The following GPCPD1 variants were observed in gnomAD, a reference collection of about 807,000 sequenced individuals.
The protein encoded by GPCPD1 is glycerophosphocholine phosphodiesterase GPCPD1.
A neutral mutation model predicts 89.2 loss-of-function variants in GPCPD1; 29 were observed. The observed-to-expected ratio is 0.33, with a 90% CI of 0.24 to 0.44. GPCPD1 has a LOEUF of 0.44. GPCPD1 is among the 20% of genes least tolerant of loss of function. GPCPD1 has a pLI of 1.00. For synonymous variants in GPCPD1, 258 were observed against 266.3 expected (o/e 0.97, Z 0.30); for missense variants, 594 against 808.9 (o/e 0.73, Z 3.22).
intron 4 of GPCPD1, among the ~76,000 whole-genome samples, chr20:5,587,608 C>T (rs1163488245): frequency 6.6e-6 from 1 of 152,160 alleles, no homozygotes; most frequent in African/African-American, 2.4e-5. Context: ...CCTCGTGATC[C>T]ACCCACCTCA....
chr20:5,585,434 G>A (rs1978843741), intron 5 of GPCPD1: 1 of 151,982 alleles, frequency 6.6e-6, no homozygotes, highest in South Asian at 2.1e-4. Flanking sequence ...GAAACTAAAA[G>A]ATACATTTCT....
chr20:5,575,943 G>T lies in GPCPD1; in HGVS notation c.741C>A (p.Ala247=), dbSNP rs374830777. 1 of 1,604,452 alleles carries T rather than the reference G, an allele frequency of 6.2e-7. No homozygotes were observed. Among genetic ancestry groups the T allele is most frequent in the African/African-American group, 1.3e-5 (1 of 74,644 alleles). ...AAGCTGTACCCACATGTCCAGGAAG[G>T]GCATCACCCTGAACTACGTGCTCAC... ...DLSEHVVQGD[A]LPGHVGTACL... is the part of the protein sequence containing the mutation. Residue 247 remains alanine (A), a synonymous_variant, in exon 9 of 20, where the codon GCC becomes GCA. Coordinates refer to ENST00000379019, the MANE Select transcript of GPCPD1 (RefSeq NM_019593.5).
rs918706043 is a variant in GPCPD1, at chr20:5,576,074, CAT to C, written c.706-98_706-97del. On this transcript the variant is annotated intron_variant, in intron 8 of 19. Transcript: ENST00000379019. ...ACACACACACACAGACACACACACACATATCTCCTATATATGAAATGTGTATA... is the reference window on the plus strand; with the variant it reads ...ACACACACACACAGACACACACACACATCTCCTATATATGAAATGTGTATA... The C allele has an allele frequency of 6.4e-5, 34 of 528,434 alleles. No homozygotes were observed. In the Admixed American group the frequency reaches 9.7e-4, roughly 15 times the overall value. 32.7% of individuals were successfully genotyped at this position (528,434 alleles called of 1,614,324 possible).
chr20:5,549,447 AC>A, intron 19 of GPCPD1: 1 of 1,202,514 alleles, frequency 8.3e-7, no homozygotes, highest in Non-Finnish European at 1.2e-6. Flanking sequence ...GCTACTAAAA[AC>A]AGCTCCACCA....
Position 5,598,725 on chromosome 20 carries a change from C to T in GPCPD1, c.146G>A (p.Ser49Asn), listed in dbSNP as rs1979911995. 8 of 1,574,744 alleles carry T rather than the reference C, an allele frequency of 5.1e-6. No homozygotes were observed. The highest frequency in any genetic ancestry group is 7.0e-6 in the Non-Finnish European group (8 of 1,144,062). ...TGTAACCTCACATTTCCATACTCAC[C>T]TTTCACCTGTGTCATTCTCTGGAAG... is the stretch of plus-strand genomic sequence containing the variant. ...ALLPENDTGE[S>N]MLWKATIVLS... Residue 49 changes from serine to asparagine, a missense_variant and splice_region_variant, in exon 3 of 20, where the codon AGC becomes AAC. Ser to Asn is a conservative substitution (Grantham distance 46). Coordinates refer to ENST00000379019, the MANE Select transcript of GPCPD1 (RefSeq NM_019593.5).
In GPCPD1 at chr20:5,567,502, T is replaced by C. The variant is rs373983160; in HGVS notation, c.1208A>G (p.Asp403Gly). The C allele has an allele frequency of 1.9e-6, 3 of 1,566,676 alleles. No homozygotes were observed. Among genetic ancestry groups the C allele is most frequent in the Non-Finnish European group, 2.6e-6 (3 of 1,164,684 alleles). The change falls in exon 13 of 20, where the codon GAC (aspartate) becomes GGC (glycine). Residue 403 changes from aspartate (D) to glycine (G), a missense_variant. By Grantham distance (94) the Asp-to-Gly change is moderately conservative. Coordinates refer to ENST00000379019, the MANE Select transcript of GPCPD1 (RefSeq NM_019593.5). ...TACTACCTTTAACAACTGGAGTTGG[T>C]CAAATGTTAATTCTTTTACTGGAAT... ...FEIPVKELTF[D>G]QLQLLKLTHV...
intron 14 of GPCPD1, among the ~76,000 whole-genome samples, chr20:5,566,020 A>C (rs901783864): frequency 2.6e-5 from 4 of 152,224 alleles, no homozygotes; most frequent in Non-Finnish European, 2.9e-5. Flanking sequence ...ACTAAGACTC[A>C]TAAAATATCT....
intron 13 of GPCPD1, 42 bp from the exon 14 acceptor site, chr20:5,566,814 T>C: frequency 7.5e-7 from 1 of 1,338,022 alleles, no homozygotes; most frequent in Non-Finnish European, 1.1e-6. Context: ...AAGGAAGCCT[T>C]AGCTTATGAA....
At chr20:5,570,028 A>G (rs1986615950) in intron 12 of GPCPD1, 119 bp downstream of exon 12, 1 of 528,342 alleles carries the variant, frequency 1.9e-6, no homozygotes, top group Admixed American at 3.6e-5. Context: ...GCAGTAATTC[A>G]CCAAGAAAAT....
chr20:5,563,826 ATACC>A (rs1214773387), intron 15 of GPCPD1, among the ~76,000 whole-genome samples: 1 of 152,198 alleles, frequency 6.6e-6, no homozygotes, highest in East Asian at 1.9e-4. Flanking sequence ...CAAGAAATAC[ATACC>A]TAAATATTTT....
intron 8 of GPCPD1, among the ~76,000 whole-genome samples, chr20:5,577,256 C>G (rs1022776825): frequency 1.3e-5 from 2 of 151,560 alleles, no homozygotes; most frequent in Non-Finnish European, 2.9e-5. Context: ...CTCTTGACCT[C>G]GTGATCCGCC....
chr20:5,549,873 A>G (rs1985276150), intron 19 of GPCPD1, among the ~76,000 whole-genome samples: 1 of 152,142 alleles, frequency 6.6e-6, no homozygotes, highest in Admixed American at 6.6e-5. Flanking sequence ...GTTCTTGGAA[A>G]TTAAAGACAC....
chr20:5,608,973 C>T (rs1384175513), intron 1 of GPCPD1, among the ~76,000 whole-genome samples: 1 of 152,140 alleles, frequency 6.6e-6, no homozygotes, highest in Non-Finnish European at 1.5e-5. Flanking sequence ...ACACTACCTG[C>T]CAAAATAAAT....
At chr20:5,581,814 CTTTTTTTTTTTTTTTTTTTT>C (rs11479995) in intron 6 of GPCPD1, among the ~76,000 whole-genome samples, 12 of 75,018 alleles carry the variant, frequency 1.6e-4, no homozygotes, top group African/African-American at 8.4e-4. Context: ...GGGACTTTAA[CTTTTTTTTTTTTTTTTTTTT>C]TTTTTTTTTT....
intron 2 of GPCPD1, among the ~76,000 whole-genome samples, chr20:5,602,968 G>C (rs1980271478): frequency 6.9e-6 from 1 of 144,188 alleles, no homozygotes; most frequent in South Asian, 2.2e-4. Context: ...AGGCAACAGA[G>C]TGAGACTCCA....
chr20:5,564,009 C>G (rs1329130936), intron 15 of GPCPD1, among the ~76,000 whole-genome samples: 2 of 151,952 alleles, frequency 1.3e-5, no homozygotes, highest in Admixed American at 6.6e-5. Flanking sequence ...CTATTTTTGC[C>G]TAAGAAATCT....
chr20:5,557,193 G>T (rs565526674), intron 19 of GPCPD1, among the ~76,000 whole-genome samples: 7 of 152,318 alleles, frequency 4.6e-5, no homozygotes, highest in African/African-American at 1.7e-4. Flanking sequence ...AGGTGACACA[G>T]AAAACTGTGG....
At chr20:5,556,174 C>CTT (rs1985756472) in intron 19 of GPCPD1, among the ~76,000 whole-genome samples, 1 of 152,110 alleles carries the variant, frequency 6.6e-6, no homozygotes, top group Non-Finnish European at 1.5e-5. Flanking sequence ...TCAGACACAA[C>CTT]GCTACTGTAC....
At chr20:5,570,401 C>CAA (rs1986643697) in intron 11 of GPCPD1, among the ~76,000 whole-genome samples, 162 bp from the exon 12 acceptor site, 1 of 74,516 alleles carries the variant, frequency 1.3e-5, no homozygotes, top group Non-Finnish European at 2.5e-5. Context: ...TTCTCTTTTG[C>CAA]AAAAGCACAG....
Sources: gnomAD v4.1 joint callset for allele counts (sites outside exome capture counted in the v4.1 genomes callset) on GRCh38, gnomAD v4.1.1 for gene constraint, MANE v1.5 for transcripts, NCBI Gene and HGNC (gene_info 2026-07-23, HGNC 2026-07-21) for gene names.